The following HOMER2 variants were observed in gnomAD, a reference collection of about 807,000 sequenced individuals.
The protein encoded by HOMER2 is homer scaffold protein 2.
A neutral mutation model predicts 47.0 loss-of-function variants in HOMER2; 27 were observed. That is an observed-to-expected ratio of 0.57 (90% CI 0.42 to 0.79). The LOEUF is 0.79. HOMER2 is among the 30% of genes least tolerant of loss of function. The probability of loss-of-function intolerance (pLI) is 0.00; values close to 1 mark genes in which losing one functional copy is unlikely to be tolerated. For synonymous variants in HOMER2, 161 were observed against 163.8 expected (o/e 0.98, Z 0.13); for missense variants, 443 against 435.0 (o/e 1.02, Z -0.16).
intron 1 of HOMER2, among the ~76,000 whole-genome samples, chr15:82,939,918 G>C (rs1567066518): frequency 1.3e-5 from 2 of 152,080 alleles, no homozygotes; most frequent in East Asian, 1.9e-4. Flanking sequence ...TCCTTTGTAG[G>C]GACATGAATG....
intron 1 of HOMER2, among the ~76,000 whole-genome samples, chr15:82,983,258 A>G (rs1316390352): frequency 6.6e-6 from 1 of 152,238 alleles, no homozygotes; most frequent in African/African-American, 2.4e-5. Flanking sequence ...CACTGAATGC[A>G]CATGGTACCA....
chr15:82,900,748 G>T (rs2053087700), intron 1 of HOMER2, among the ~76,000 whole-genome samples: 1 of 152,204 alleles, frequency 6.6e-6, no homozygotes, highest in Non-Finnish European at 1.5e-5. Context: ...GTCTGCATCT[G>T]CTGGACCTTA....
At chr15:82,865,574 A>C (rs887192678) in intron 3 of HOMER2, among the ~76,000 whole-genome samples, 6 of 152,240 alleles carry the variant, frequency 3.9e-5, no homozygotes, top group South Asian at 2.1e-4. Context: ...TGTGAGAATC[A>C]AAAAGAAAAT....
intron 3 of HOMER2, among the ~76,000 whole-genome samples, chr15:82,870,002 A>C (rs928957303): frequency 6.6e-6 from 1 of 152,194 alleles, no homozygotes. Context: ...CAAAATTCTC[A>C]CATCTTCATT....
intron 1 of HOMER2, among the ~76,000 whole-genome samples, chr15:82,966,015 G>A (rs766949567): frequency 6.6e-6 from 1 of 152,098 alleles, no homozygotes; most frequent in South Asian, 2.1e-4. Context: ...GCAGGAGTAC[G>A]GCTTCAGCCC....
At chr15:82,982,916 C>T (rs1567082137) in intron 1 of HOMER2, among the ~76,000 whole-genome samples, 1 of 152,122 alleles carries the variant, frequency 6.6e-6, no homozygotes, top group Non-Finnish European at 1.5e-5. Flanking sequence ...GCCTTGGTCG[C>T]CTTCTCTTCT....
rs566232848 is a variant in HOMER2, at chr15:82,979,557, C to A, written n.82+6230G>T. On this transcript the variant is annotated intron_variant and non_coding_transcript_variant, in intron 1 of 1. Transcript: ENST00000500334. ...GGGACTGACCAGTTAGAGACTGTCA[C>A]CTTGGTTTGTGTGAAAAATGATGAG... Among the ~76,000 whole-genome samples the A allele has an allele frequency of 4.6e-5, 7 of 152,128 alleles. No homozygotes were observed. In the South Asian group the frequency reaches 1.5e-3, roughly 32 times the overall value.
chr15:82,919,940 C>T (rs902675699), intron 1 of HOMER2, among the ~76,000 whole-genome samples: 4 of 152,210 alleles, frequency 2.6e-5, no homozygotes, highest in South Asian at 2.1e-4. Context: ...TTTCCTATTG[C>T]CTTCTCTATC....
Position 82,890,386 on chromosome 15 carries a change from G to A in HOMER2, c.162+2299C>T, listed in dbSNP as rs539368500. 9.2e-5 allele frequency among the ~76,000 whole-genome samples: 14 copies of A among 152,220 alleles called. 1 individual carries two copies. Among genetic ancestry groups the A allele is most frequent in the Admixed American group, 5.2e-4 (8 of 15,288 alleles). ...AAAAACCAGGTGGCTGGGCACCATA[G>A]AAAGGGTAGTCCAAGATCCTCTGGC... is the stretch of plus-strand genomic sequence containing the variant. On this transcript the variant is annotated intron_variant, in intron 2 of 8. Coordinates refer to ENST00000450735, the MANE Select transcript of HOMER2 (RefSeq NM_004839.4).
chr15:82,863,834 G>A (rs1467530810), intron 4 of HOMER2, among the ~76,000 whole-genome samples: 1 of 152,128 alleles, frequency 6.6e-6, no homozygotes, highest in African/African-American at 2.4e-5. Context: ...GTGGGCACAA[G>A]GTACCCTACA....
At chr15:82,866,515 T>C (rs557913814) in intron 3 of HOMER2, among the ~76,000 whole-genome samples, 1 of 152,294 alleles carries the variant, frequency 6.6e-6, no homozygotes, top group Non-Finnish European at 1.5e-5. Context: ...TGACTGGTTT[T>C]GAAATGTGAT....
At chr15:82,974,248 T>C (rs2030119346) in intron 1 of HOMER2, among the ~76,000 whole-genome samples, 1 of 148,392 alleles carries the variant, frequency 6.7e-6, no homozygotes, top group Non-Finnish European at 1.5e-5. Context: ...CTACTAAAAA[T>C]ACAAAATTAG....
chr15:82,910,047 C>T (rs1227855187), intron 1 of HOMER2, among the ~76,000 whole-genome samples: 2 of 143,308 alleles, frequency 1.4e-5, no homozygotes, highest in African/African-American at 2.6e-5. Context: ...GCAGGAGAAT[C>T]GCTTGAACCT....
At chr15:82,836,337 C>G (rs2051126602), downstream of HOMER2, among the ~76,000 whole-genome samples, 1 of 152,232 alleles carries the variant, frequency 6.6e-6, no homozygotes, top group Non-Finnish European at 1.5e-5. Flanking sequence ...GCTTTCCAGC[C>G]CACACAGGAA....
chr15:82,875,062 G>C (rs2052303048), intron 3 of HOMER2, among the ~76,000 whole-genome samples: 2 of 152,222 alleles, frequency 1.3e-5, no homozygotes. Context: ...AGCAGCATTT[G>C]TTAGATACGA....
At chr15:82,960,591 G>C (rs927337915) in intron 1 of HOMER2, among the ~76,000 whole-genome samples, 7 of 152,176 alleles carry the variant, frequency 4.6e-5, no homozygotes, top group African/African-American at 1.7e-4. Flanking sequence ...AGTATACTAA[G>C]AGCAAACAAA....
chr15:82,890,967 G>A (rs1681555238), intron 2 of HOMER2, among the ~76,000 whole-genome samples: 1 of 152,074 alleles, frequency 6.6e-6, no homozygotes, highest in South Asian at 2.1e-4. Flanking sequence ...CCTTTCAGAT[G>A]TTCCCCCATC....
At chr15:82,925,895 C>T (rs2053842986) in intron 1 of HOMER2, 1 of 152,054 alleles carries the variant, frequency 6.6e-6, no homozygotes, top group Admixed American at 6.6e-5. Flanking sequence ...TGATACTCCC[C>T]CTCATTTCTC....
intron 1 of HOMER2, among the ~76,000 whole-genome samples, chr15:82,978,988 G>A (rs8023761): frequency 0.3 from 46,172 of 152,074 alleles, 7,361 homozygotes; most frequent in African/African-American, 0.34. Flanking sequence ...CAAAGTGCTG[G>A]GATTACAGGC....
Sources: gnomAD v4.1 joint callset for allele counts (sites outside exome capture counted in the v4.1 genomes callset) on GRCh38, gnomAD v4.1.1 for gene constraint, MANE v1.5 for transcripts, NCBI Gene and HGNC (gene_info 2026-07-23, HGNC 2026-07-21) for gene names.